GSK3B: variants seen among roughly 807,000 people sequenced by gnomAD.
GSK3B encodes glycogen synthase kinase 3 beta.
Under a neutral mutation model 56.4 loss-of-function variants are expected in GSK3B, and 15 were observed. The observed-to-expected ratio is 0.27, with a 90% confidence interval of 0.18 to 0.41. The LOEUF (loss-of-function observed/expected upper bound fraction) is 0.41. Among genes scored for constraint, GSK3B ranks in the 10% least tolerant of loss-of-function variants. GSK3B has a pLI of 1.00. For synonymous variants in GSK3B, 181 were observed against 188.9 expected, an observed-to-expected ratio of 0.96 and a Z score of 0.34; for missense variants, 300 against 513.4, an observed-to-expected ratio of 0.58 and a Z score of 4.02.
In GSK3B at chr3:120,029,242, G is replaced by A. The variant is rs1313799660; in HGVS notation, c.89-27003C>T. The A allele has an allele frequency of 7.0e-6, 5 of 714,206 alleles. No homozygotes were observed. The African/African-American group carries it at 8.8e-5, about 13-fold the overall frequency. The allele number at this position is 714,206 out of a possible 1,614,324, so 44.2% of individuals were successfully genotyped here. A position where few individuals can be genotyped will look rare whatever the true frequency, so the allele number is the denominator to read the frequency against. ...AAGCGATGGCCACCAGACTATGACAGGTTATCACAGCTGCAAATGAATGTC... is the reference window on the plus strand; with the variant it reads ...AAGCGATGGCCACCAGACTATGACAAGTTATCACAGCTGCAAATGAATGTC... On this transcript the variant is annotated intron_variant, in intron 1 of 10. Transcript: ENST00000264235.
chr3:119,854,760 G>A (rs1027500579), intron 9 of GSK3B, among the ~76,000 whole-genome samples: 3 of 152,166 alleles, frequency 2.0e-5, no homozygotes, highest in Non-Finnish European at 4.4e-5. Flanking sequence ...GGGATCGGTG[G>A]TGATACCCCC....
In GSK3B at chr3:119,974,946, A is replaced by G. The variant is rs551865502; in HGVS notation, c.282+27100T>C. On this transcript the variant is annotated intron_variant, in intron 2 of 10. Transcript: ENST00000264235. Reference sequence around the variant, plus strand: ...AGCACTTGTTTACAAAACTAAACTTACTCTTACCACAGCAATTGTACTACC... The same window carrying G: ...AGCACTTGTTTACAAAACTAAACTTGCTCTTACCACAGCAATTGTACTACC... Among the ~76,000 whole-genome samples the G allele has an allele frequency of 5.3e-5, 8 of 152,266 alleles. No homozygotes were observed. In the South Asian group the frequency reaches 1.7e-3, roughly 32 times the overall value.
At chr3:119,855,187 C>T (rs1038657731) in intron 9 of GSK3B, among the ~76,000 whole-genome samples, 2 of 152,122 alleles carry the variant, frequency 1.3e-5, no homozygotes, top group African/African-American at 4.8e-5. Context: ...ATCCAGTAGT[C>T]ATAAGGAAGA....
intron 4 of GSK3B, among the ~76,000 whole-genome samples, chr3:119,922,128 TGAAGGAAG>T (rs745426737): frequency 1.4e-4 from 21 of 146,200 alleles, no homozygotes; most frequent in African/African-American, 5.1e-4. Flanking sequence ...CAGAGTGAAA[TGAAGGAAG>T]GAAGGAAGGA....
intron 8 of GSK3B, among the ~76,000 whole-genome samples, chr3:119,868,943 ATTATG>A (rs1475950018): frequency 3.9e-5 from 6 of 152,210 alleles, no homozygotes; most frequent in African/African-American, 1.4e-4. Context: ...TGAATAGGTA[ATTATG>A]TTAACTAAGA....
At chr3:119,900,882 T>A (rs1178260592) in intron 7 of GSK3B, among the ~76,000 whole-genome samples, 1 of 152,184 alleles carries the variant, frequency 6.6e-6, no homozygotes, top group Non-Finnish European at 1.5e-5. Flanking sequence ...TTTATAGAAG[T>A]ATTTTTCATG....
At chr3:119,879,625 C>T (rs1358338265) in intron 7 of GSK3B, among the ~76,000 whole-genome samples, 2 of 151,792 alleles carry the variant, frequency 1.3e-5, no homozygotes, top group African/African-American at 4.8e-5. Flanking sequence ...ACCCATTAAC[C>T]ATCCCTACTT....
chr3:119,828,852 C>T (rs1028358602), intron 10 of GSK3B, among the ~76,000 whole-genome samples: 2 of 152,128 alleles, frequency 1.3e-5, no homozygotes, highest in Non-Finnish European at 2.9e-5. Context: ...ATTTAATTTC[C>T]TTCAAAATAG....
At chr3:119,989,167 A>G (rs545766726) in intron 2 of GSK3B, among the ~76,000 whole-genome samples, 2 of 152,298 alleles carry the variant, frequency 1.3e-5, no homozygotes, top group African/African-American at 2.4e-5. Flanking sequence ...CTGACAACTA[A>G]TAACTGAGGG....
rs1335807706 is a variant in GSK3B, at chr3:120,006,206, A to T, written c.89-3967T>A. On this transcript the variant is annotated intron_variant, in intron 1 of 10. Transcript: ENST00000264235. Reference sequence around the variant, plus strand: ...ATGGTAAAGTGATCAATTCAACAAGAAGAGCTAACTATCCTAAAATATATG... The same window carrying T: ...ATGGTAAAGTGATCAATTCAACAAGTAGAGCTAACTATCCTAAAATATATG... Among the ~76,000 whole-genome samples, 5 of 152,216 alleles carry T rather than the reference A, an allele frequency of 3.3e-5. No homozygotes were observed. The East Asian group carries it at 7.7e-4, about 23-fold the overall frequency.
intron 1 of GSK3B, among the ~76,000 whole-genome samples, chr3:120,078,620 T>G (rs967652861): frequency 6.6e-6 from 1 of 150,882 alleles, no homozygotes; most frequent in Non-Finnish European, 1.5e-5. Flanking sequence ...TGGCACGATC[T>G]CGGCTCACTA....
intron 5 of GSK3B, among the ~76,000 whole-genome samples, chr3:119,913,779 C>A (rs2056756667): frequency 6.6e-6 from 1 of 151,890 alleles, no homozygotes; most frequent in Non-Finnish European, 1.5e-5. Flanking sequence ...ATGACTCTAA[C>A]CTTAACTTCT....
At chr3:120,037,848 A>G (rs573284894) in intron 1 of GSK3B, among the ~76,000 whole-genome samples, 91 of 152,320 alleles carry the variant, frequency 6.0e-4, no homozygotes, top group Middle Eastern at 3.4e-3. Context: ...GATGACATCA[A>G]TAACTACACA....
At chr3:120,020,647 T>C (rs1447748937) in intron 1 of GSK3B, among the ~76,000 whole-genome samples, 4 of 152,170 alleles carry the variant, frequency 2.6e-5, no homozygotes, top group African/African-American at 4.8e-5. Context: ...CACAACGATA[T>C]TGAAATTAGG....
intron 4 of GSK3B, among the ~76,000 whole-genome samples, chr3:119,918,473 C>CA (rs1368030799): frequency 6.0e-5 from 9 of 149,740 alleles, no homozygotes; most frequent in Admixed American, 2.0e-4. Flanking sequence ...CTCTCTCTCT[C>CA]AAAAAAACAA....
chr3:120,042,258 A>C (rs1400659771), intron 1 of GSK3B, among the ~76,000 whole-genome samples: 1 of 152,076 alleles, frequency 6.6e-6, no homozygotes, highest in African/African-American at 2.4e-5. Context: ...TTTCTCTTCC[A>C]CTGAGAAAGA....
At chr3:120,070,278 TAAAAA>T (rs58003137) in intron 1 of GSK3B, among the ~76,000 whole-genome samples, 1 of 136,708 alleles carries the variant, frequency 7.3e-6, no homozygotes, top group Non-Finnish European at 1.6e-5. Flanking sequence ...ACAGTTTAAA[TAAAAA>T]AAAAAAGAGG....
At position 120,093,361 on chromosome 3, in the gene GSK3B, C is replaced by T; in HGVS notation, c.74G>A (p.Ser25Asn). The T allele has an allele frequency of 3.1e-6, 5 of 1,612,156 alleles. No homozygotes were observed. The highest frequency in any genetic ancestry group is 2.2e-5 in the South Asian group (2 of 91,036). Residue 25 changes from serine (S) to asparagine (N), a missense_variant, in exon 1 of 11, where the codon AGC becomes AAC. By Grantham distance (46) the Ser-to-Asn change is conservative. Transcript: ENST00000264235. ...CCAATACTCACTGCTAACTTTCATG[C>T]TGCCAAAAGCTGAAGGCTGCTGCAC... ...KPVQQPSAFG[S>N]MKVSRDKDGS... is the part of the protein sequence containing the mutation.
chr3:119,902,246 A>G (rs949842297), intron 7 of GSK3B, among the ~76,000 whole-genome samples: 3 of 152,200 alleles, frequency 2.0e-5, no homozygotes, highest in Non-Finnish European at 2.9e-5. Context: ...AATCAGGAAA[A>G]CTAGAATAGC....
Sources: allele counts gnomAD v4.1 joint callset (sites outside exome capture counted in the v4.1 genomes callset), GRCh38; gene constraint gnomAD v4.1.1; transcripts MANE v1.5; gene names NCBI Gene and HGNC (gene_info 2026-07-23, HGNC 2026-07-21).